The following GOLGB1 variants were observed in gnomAD, a reference collection of about 807,000 sequenced individuals.
GOLGB1 encodes the protein golgin subfamily B member 1.
A neutral mutation model predicts 336.9 loss-of-function variants in GOLGB1; 174 were observed. That is an observed-to-expected ratio of 0.52 (90% CI 0.46 to 0.59). The LOEUF (loss-of-function observed/expected upper bound fraction) is 0.59, where lower values mean the gene tolerates loss of function less well. GOLGB1 is among the 20% of genes least tolerant of loss of function. GOLGB1 has a pLI of 0.00. For missense variants in GOLGB1, 3,331 were observed against 3,645.3 expected (o/e 0.91, Z 2.22); for synonymous variants, 1,208 against 1,289.2 (o/e 0.94, Z 1.35).
At chr3:121,670,289 GAA>G (rs1458952542) in intron 17 of GOLGB1, among the ~76,000 whole-genome samples, 2 of 152,116 alleles carry the variant, frequency 1.3e-5, no homozygotes, top group Non-Finnish European at 2.9e-5. Context: ...TATATGAGAG[GAA>G]CCCAGTATAC....
rs184326685 is a variant in GOLGB1 at position 121,691,964 on chromosome 3, A to G, written c.7400T>C (p.Phe2467Ser). 1 of 1,613,990 alleles carries G rather than the reference A, an allele frequency of 6.2e-7. No homozygotes were observed. Among genetic ancestry groups the G allele is most frequent in the African/African-American group, 1.3e-5 (1 of 74,932 alleles). Residue 2467 changes from phenylalanine to serine, a missense_variant, in exon 14 of 22, where the codon TTT (phenylalanine) becomes TCT (serine). Transcript: ENST00000614479. ...NIQQKAQLDSFVKSMSSLQND... is the reference protein window; with the variant it reads ...NIQQKAQLDSSVKSMSSLQND... ...TTGGAGAGAAGACATGGATTTAACA[A>G]AGGAATCCAACTGTGCCTTTTGCTG...
chr3:121,708,807 G>A (rs1456863340), intron 10 of GOLGB1, among the ~76,000 whole-genome samples: 2 of 151,870 alleles, frequency 1.3e-5, no homozygotes, highest in Non-Finnish European at 2.9e-5. Flanking sequence ...TAGAAGGCAG[G>A]AAAAAAGAAG....
At chr3:121,703,368 G>A (rs979082961) in intron 10 of GOLGB1, among the ~76,000 whole-genome samples, 2 of 152,178 alleles carry the variant, frequency 1.3e-5, no homozygotes, top group African/African-American at 4.8e-5. Flanking sequence ...AGTATGCAGG[G>A]CAAGTAAAAT....
chr3:121,727,300 ATATATATATATATATATATATT>A (rs1945710139), intron 4 of GOLGB1, among the ~76,000 whole-genome samples: 1 of 20,784 alleles, frequency 4.8e-5, no homozygotes, highest in Non-Finnish European at 1.5e-4. Context: ...ACACATATAT[ATATATATATATATATATATATT>A]TTTTTTTTTT....
chr3:121,729,312 A>G lies in GOLGB1; in HGVS notation c.278T>C (p.Ile93Thr). Residue 93 changes from isoleucine to threonine, a missense_variant, in exon 4 of 22, where the codon ATT (isoleucine) becomes ACT (threonine). Physicochemically the swap from Ile to Thr is moderately conservative, Grantham distance 89. Coordinates refer to ENST00000614479, the MANE Select transcript of GOLGB1 (RefSeq NM_001366282.2). ...QEERKAADNK[I>T]KKLKLHAKAK... ...CTTCGCATGAAGTTTTAGTTTTTTA[A>G]TTTTGTTATCAGCAGCTTTTCTCTC... 6.2e-7 allele frequency: 1 copy of G among 1,612,816 alleles called. No individual in the cohort carries two copies. Among genetic ancestry groups the G allele is most frequent in the Non-Finnish European group, 8.5e-7 (1 of 1,179,200 alleles).
At chr3:121,682,395 T>A (rs868209600) in intron 14 of GOLGB1, among the ~76,000 whole-genome samples, 2 of 152,192 alleles carry the variant, frequency 1.3e-5, no homozygotes, top group Non-Finnish European at 2.9e-5. Flanking sequence ...CAATGCATGT[T>A]CCTCATACTC....
intron 1 of GOLGB1, among the ~76,000 whole-genome samples, chr3:121,731,843 T>C (rs1946143084): frequency 2.0e-5 from 3 of 151,542 alleles, no homozygotes; most frequent in Admixed American, 2.0e-4. Context: ...GAGTAGAAAT[T>C]AATAAAAATA....
Position 121,695,320 on chromosome 3 carries a change from T to C in GOLGB1, c.5203A>G (p.Arg1735Gly), listed in dbSNP as rs1398997402. The change falls in exon 13 of 22, where the codon AGG becomes GGG. Residue 1735 changes from arginine to glycine, a missense_variant. Arg to Gly is a moderately radical substitution (Grantham distance 125). Coordinates refer to ENST00000614479, the MANE Select transcript of GOLGB1 (RefSeq NM_001366282.2). ...AGGGTTTCATACTCCATTTTGACCC[T>C]TTCAAGTTCTTCCTTCATGCTGGCA... ...SNASMKEELE[R>G]VKMEYETLSK... is the part of the protein sequence containing the mutation. The C allele has an allele frequency of 2.5e-6, 4 of 1,614,140 alleles. No individual in the cohort carries two copies. In the East Asian group the frequency reaches 6.7e-5, roughly 27 times the overall value.
In GOLGB1 at chr3:121,730,905, C is replaced by T; in HGVS notation, c.67G>A (p.Asp23Asn). Residue 23 changes from aspartate (D) to asparagine (N), a missense_variant, in exon 2 of 22, where the codon GAT becomes AAT. Coordinates refer to ENST00000614479, the MANE Select transcript of GOLGB1 (RefSeq NM_001366282.2). ...LHELSGDDDT[D>N]QNMRAPLDPE... ...TCTAGGGGAGCCCTCATATTCTGATCAGTGTCATCATCTCCTGATAATTCA... is the reference window on the plus strand; with the variant it reads ...TCTAGGGGAGCCCTCATATTCTGATTAGTGTCATCATCTCCTGATAATTCA... The T allele has an allele frequency of 6.2e-7, 1 of 1,612,112 alleles. No homozygotes were observed. Among genetic ancestry groups the T allele is most frequent in the South Asian group, 1.1e-5 (1 of 91,044 alleles).
rs748954371 is a variant in GOLGB1, at chr3:121,698,117, C to A, written c.2406G>T (p.Gln802His). Residue 802 changes from glutamine to histidine, a missense_variant, in exon 13 of 22, where the codon CAG (glutamine) becomes CAT (histidine). Transcript: ENST00000614479. The stretch of plus-strand genomic sequence containing the variant: ...TGGCTTCTATGCTGAGACTATGGAT[C>A]TGTTCAGTGAGCAGGTTGTCATGGG... ...QTAHDNLLTEQIHSLSIEAKS... is the reference protein window; with the variant it reads ...QTAHDNLLTEHIHSLSIEAKS... 2.5e-6 allele frequency: 4 copies of A among 1,613,916 alleles called. No homozygotes were observed. Among genetic ancestry groups the A allele is most frequent in the Non-Finnish European group, 3.4e-6 (4 of 1,179,944 alleles).
Position 121,722,263 on chromosome 3 carries a change from T to C in GOLGB1, c.647A>G (p.Gln216Arg). The change falls in exon 6 of 22, where the codon CAG becomes CGG. Residue 216 changes from glutamine to arginine, a missense_variant and splice_region_variant. Transcript: ENST00000614479. ...LSQTQAEQAA[Q>R]LSSMQQVVRE... ...ATCCTAATTTTGTGAGGTCCCTACC[T>C]GTGCAGCTTGCTCTGCCTGTGTCTG... 1 of 1,566,102 alleles carries C rather than the reference T, an allele frequency of 6.4e-7. No homozygotes were observed. The highest frequency in any genetic ancestry group is 8.8e-7 in the Non-Finnish European group (1 of 1,136,156).
intron 10 of GOLGB1, among the ~76,000 whole-genome samples, chr3:121,709,790 A>G (rs1944190883): frequency 6.6e-6 from 1 of 152,146 alleles, no homozygotes; most frequent in African/African-American, 2.4e-5. Flanking sequence ...CCAAGTAAGC[A>G]GAAAGAAATA....
chr3:121,669,940 C>T lies in GOLGB1; in HGVS notation c.9178-585G>A, dbSNP rs568542978. On this transcript the variant is annotated intron_variant, in intron 17 of 21. Coordinates refer to ENST00000614479, the MANE Select transcript of GOLGB1 (RefSeq NM_001366282.2). The stretch of plus-strand genomic sequence containing the variant: ...AGAAACTGTTGAGAGCATAGATTCT[C>T]CCAGGTAGAAACATTTCAGTCCCTT... Among the ~76,000 whole-genome samples the T allele has an allele frequency of 2.9e-4, 44 of 152,290 alleles. 1 individual carries two copies. The South Asian group carries it at 8.1e-3, about 28-fold the overall frequency.
chr3:121,699,891 A>G lies in GOLGB1; in HGVS notation c.1520-6T>C. 1 of 1,556,736 alleles carries G rather than the reference A, an allele frequency of 6.4e-7. No homozygotes were observed. The highest frequency in any genetic ancestry group is 8.8e-7 in the Non-Finnish European group (1 of 1,132,226). On this transcript the variant is annotated splice_region_variant and splice_polypyrimidine_tract_variant and intron_variant, in intron 11 of 21. Coordinates refer to ENST00000614479, the MANE Select transcript of GOLGB1 (RefSeq NM_001366282.2). The stretch of plus-strand genomic sequence containing the variant: ...AATCTGAGAAGACAGTTTTTCTGAA[A>G]GTCACAAAATAAATATCTTTAGAAG...
At chr3:121,704,041 T>C (rs751958942) in intron 10 of GOLGB1, among the ~76,000 whole-genome samples, 2 of 151,594 alleles carry the variant, frequency 1.3e-5, no homozygotes, top group African/African-American at 4.8e-5. Context: ...CAGTAGAATA[T>C]AGACGACAGA....
At chr3:121,687,597 G>C (rs1941885324) in intron 14 of GOLGB1, among the ~76,000 whole-genome samples, 1 of 152,162 alleles carries the variant, frequency 6.6e-6, no homozygotes. Flanking sequence ...TTTGGGAACA[G>C]AATAATATGA....
At chr3:121,715,352 G>A (rs985441722) in intron 9 of GOLGB1, among the ~76,000 whole-genome samples, 4 of 149,534 alleles carry the variant, frequency 2.7e-5, no homozygotes, top group African/African-American at 7.4e-5. Flanking sequence ...ACAGGCATGC[G>A]TCACCATGCC....
chr3:121,691,286 T>C lies in GOLGB1; in HGVS notation c.8078A>G (p.His2693Arg), dbSNP rs1942392151. ...ATTTCTCATTATCCCTGCATCATGA[T>C]GAAGATGCTTTAATTCTTTCTTCAG... is the stretch of plus-strand genomic sequence containing the variant. ...DKLKKELKHLHHDAGIMRNET... is the reference protein window; with the variant it reads ...DKLKKELKHLRHDAGIMRNET... The change falls in exon 14 of 22, where the codon CAT (histidine) becomes CGT (arginine). Residue 2693 changes from histidine (H) to arginine (R), a missense_variant. Transcript: ENST00000614479. 6.2e-7 allele frequency: 1 copy of C among 1,613,526 alleles called. No individual in the cohort carries two copies. The highest frequency in any genetic ancestry group is 1.7e-5 in the Admixed American group (1 of 59,956).
rs1942802390 is a variant in GOLGB1, at chr3:121,694,949, C to G, written c.5574G>C (p.Glu1858Asp). ...DQLKERIAGL[E>D]EEKQKNKEFS... ...ATTCCTTGTTTTTCTGCTTCTCCTCCTCTAATCCAGCAATTCTTTCTTTGA... is the reference window on the plus strand; with the variant it reads ...ATTCCTTGTTTTTCTGCTTCTCCTCGTCTAATCCAGCAATTCTTTCTTTGA... Residue 1858 changes from glutamate to aspartate, a missense_variant, in exon 13 of 22, where the codon GAG becomes GAC. Glu to Asp is a conservative substitution (Grantham distance 45). Coordinates refer to ENST00000614479, the MANE Select transcript of GOLGB1 (RefSeq NM_001366282.2). 6.2e-7 allele frequency: 1 copy of G among 1,614,080 alleles called. No homozygotes were observed.
Sources: allele counts gnomAD v4.1 joint callset (sites outside exome capture counted in the v4.1 genomes callset), GRCh38; gene constraint gnomAD v4.1.1; transcripts MANE v1.5; gene names NCBI Gene and HGNC (gene_info 2026-07-23, HGNC 2026-07-21).